The following TMEM266 variants were observed in gnomAD, a reference collection of about 807,000 sequenced individuals.
TMEM266 encodes transmembrane protein 266.
TMEM266 carries 33 observed loss-of-function variants against 50.5 expected under a neutral mutation model. The observed-to-expected ratio is 0.65, with a 90% confidence interval of 0.50 to 0.87. The LOEUF is 0.87. Ranked by LOEUF, TMEM266 falls within the 40% of genes least tolerant of loss-of-function variation. The pLI, the probability that TMEM266 is intolerant of heterozygous loss-of-function variation, is 0.00. For synonymous variants in TMEM266, 310 were observed against 292.3 expected, an observed-to-expected ratio of 1.06 and a Z score of -0.62; for missense variants, 655 against 695.1, an observed-to-expected ratio of 0.94 and a Z score of 0.65.
chr15:76,080,464 T>C (rs1193312544), intron 1 of TMEM266, among the ~76,000 whole-genome samples: 2 of 150,668 alleles, frequency 1.3e-5, no homozygotes, highest in Non-Finnish European at 3.0e-5. Context: ...GTTGGTCAGG[T>C]GGTCTCGAAC....
intron 8 of TMEM266, 69 bp from the exon 9 acceptor site, chr15:76,191,899 C>G: frequency 7.0e-7 from 1 of 1,420,898 alleles, no homozygotes; most frequent in Non-Finnish European, 9.3e-7. Flanking sequence ...GCAAAGCGCC[C>G]AGAGGTCAGG....
At chr15:76,098,401 C>T (rs1342511103) in intron 1 of TMEM266, among the ~76,000 whole-genome samples, 1 of 152,090 alleles carries the variant, frequency 6.6e-6, no homozygotes, top group Non-Finnish European at 1.5e-5. Context: ...CTGGGCATCA[C>T]CAGCAGAGGC....
intron 1 of TMEM266, among the ~76,000 whole-genome samples, chr15:76,082,824 C>T (rs2036715097): frequency 6.6e-6 from 1 of 152,144 alleles, no homozygotes; most frequent in Non-Finnish European, 1.5e-5. Flanking sequence ...CAAAAATTAG[C>T]TAGGCGTGGT....
intron 3 of TMEM266, among the ~76,000 whole-genome samples, chr15:76,141,680 A>G (rs190784516): frequency 1.3e-5 from 2 of 152,298 alleles, no homozygotes; most frequent in East Asian, 3.9e-4. Flanking sequence ...ACCAGCATGC[A>G]TCTCCAGAAC....
intron 8 of TMEM266, among the ~76,000 whole-genome samples, chr15:76,188,227 G>A (rs1460166032): frequency 6.6e-6 from 1 of 152,148 alleles, no homozygotes; most frequent in Admixed American, 6.5e-5. Context: ...GTTTAATTGA[G>A]TCACAGTTCT....
chr15:76,149,136 A>G (rs1239828008), intron 3 of TMEM266, among the ~76,000 whole-genome samples: 1 of 152,200 alleles, frequency 6.6e-6, no homozygotes, highest in Admixed American at 6.5e-5. Flanking sequence ...CTGGGTGAGA[A>G]AGAAGCCCCA....
intron 2 of TMEM266, among the ~76,000 whole-genome samples, chr15:76,136,141 C>T (rs1290373913): frequency 2.6e-5 from 4 of 152,170 alleles, no homozygotes; most frequent in Non-Finnish European, 5.9e-5. Flanking sequence ...GACGGTTTCA[C>T]CATGCTGGTC....
chr15:76,182,541 G>A (rs2469563), intron 8 of TMEM266, among the ~76,000 whole-genome samples: 6,150 of 152,094 alleles, frequency 0.04, 253 homozygotes, highest in African/African-American at 0.11. Context: ...CTACTCAGGA[G>A]GCTGAGGCAG....
At chr15:76,147,623 C>T (rs893071526) in intron 3 of TMEM266, among the ~76,000 whole-genome samples, 1 of 152,198 alleles carries the variant, frequency 6.6e-6, no homozygotes, top group Admixed American at 6.5e-5. Flanking sequence ...ATTCTTGATG[C>T]CCCAACAACG....
At chr15:76,096,134 G>C (rs1425705779) in intron 1 of TMEM266, among the ~76,000 whole-genome samples, 1 of 151,890 alleles carries the variant, frequency 6.6e-6, no homozygotes, top group Non-Finnish European at 1.5e-5. Flanking sequence ...TCTAATCTTA[G>C]TTATTTCTTG....
chr15:76,192,024 C>G lies in TMEM266; in HGVS notation c.825C>G (p.Ala275=), dbSNP rs202140844. The G allele has an allele frequency of 5.5e-5, 86 of 1,571,738 alleles. No homozygotes were observed. The highest frequency in any genetic ancestry group is 7.1e-5 in the African/African-American group (5 of 70,712). The stretch of plus-strand genomic sequence containing the variant: ...CGCAGCAGGACCTGGACCTGGCTGC[C>G]GAGCGCGAAGCGGCGCTCCAGGCCC... ...LAAEREAALQ[A]PHVLSQPRSR... The change falls in exon 9 of 11, where the codon GCC becomes GCG. Residue 275 remains alanine, a synonymous_variant. Coordinates refer to ENST00000388942, the MANE Select transcript of TMEM266 (RefSeq NM_152335.3).
intron 8 of TMEM266, among the ~76,000 whole-genome samples, chr15:76,182,704 C>T (rs993781990): frequency 5.9e-5 from 9 of 152,116 alleles, no homozygotes; most frequent in Non-Finnish European, 1.0e-4. Flanking sequence ...GATGGTTGCT[C>T]ATTCACAAAT....
intron 5 of TMEM266, among the ~76,000 whole-genome samples, chr15:76,169,205 T>C (rs1315829860): frequency 6.6e-6 from 1 of 152,024 alleles, no homozygotes; most frequent in Admixed American, 6.5e-5. Context: ...GTGCTTCTGC[T>C]TGCTACCCAT....
intron 9 of TMEM266, among the ~76,000 whole-genome samples, chr15:76,192,445 G>T (rs111911414): frequency 6.6e-6 from 1 of 152,192 alleles, no homozygotes; most frequent in African/African-American, 2.4e-5. Context: ...CCCTGTCCTC[G>T]CGGTAGCCGG....
At chr15:76,120,379 A>C (rs2037321734) in intron 1 of TMEM266, among the ~76,000 whole-genome samples, 1 of 152,216 alleles carries the variant, frequency 6.6e-6, no homozygotes, top group African/African-American at 2.4e-5. Flanking sequence ...TCAAATGGAA[A>C]AAGCAAAAAG....
Position 76,160,196 on chromosome 15 carries a change from T to A in TMEM266, c.456+28T>A. The stretch of plus-strand genomic sequence containing the variant: ...AGGTGGAGACTCTGGCCCTGTCACC[T>A]CCTCTGTTGGGTGACTCCTGTCCTG... On this transcript the variant is annotated intron_variant, in intron 5 of 10. Coordinates refer to ENST00000388942, the MANE Select transcript of TMEM266 (RefSeq NM_152335.3). The surrounding 1 kb of genome is among the most constrained non-coding windows in gnomAD (Gnocchi z 5.7). The A allele has an allele frequency of 1.9e-6, 3 of 1,596,470 alleles. No homozygotes were observed. Among genetic ancestry groups the A allele is most frequent in the Non-Finnish European group, 2.6e-6 (3 of 1,163,984 alleles).
chr15:76,147,278 A>C (rs1299631580), intron 3 of TMEM266, among the ~76,000 whole-genome samples: 1 of 152,226 alleles, frequency 6.6e-6, no homozygotes, highest in Non-Finnish European at 1.5e-5. Flanking sequence ...GCCTCAGAAC[A>C]TGCCAACTTC....
intron 9 of TMEM266, among the ~76,000 whole-genome samples, chr15:76,201,007 A>G (rs1567186760): frequency 2.6e-5 from 4 of 152,138 alleles, no homozygotes; most frequent in East Asian, 3.9e-4. Context: ...CTCAGAACAC[A>G]GTGGGTCTGC....
intron 3 of TMEM266, among the ~76,000 whole-genome samples, chr15:76,152,324 CAG>C (rs1311298358): frequency 6.6e-6 from 1 of 152,182 alleles, no homozygotes; most frequent in African/African-American, 2.4e-5. Flanking sequence ...TCGCTGAGGG[CAG>C]AGTGTGGGCA....
Sources: allele counts gnomAD v4.1 joint callset (sites outside exome capture counted in the v4.1 genomes callset), GRCh38; gene constraint gnomAD v4.1.1; non-coding constraint Gnocchi (gnomAD v3.1); transcripts MANE v1.5; gene names NCBI Gene and HGNC (gene_info 2026-07-23, HGNC 2026-07-21).